ASTN1: variants seen among roughly 807,000 people sequenced by gnomAD.
ASTN1 encodes the protein astrotactin 1, also known as astrotactin-1.
ASTN1 carries 41 observed loss-of-function variants against 140.7 expected under a neutral mutation model. That is an observed-to-expected ratio of 0.29 (90% CI 0.23 to 0.38). The LOEUF is 0.38. ASTN1 is among the 10% of genes least tolerant of loss of function. The pLI is 1.00. For missense variants in ASTN1, 1,479 were observed against 1,678.8 expected (o/e 0.88, Z 2.08); for synonymous variants, 640 against 652.2 (o/e 0.98, Z 0.29).
intron 8 of ASTN1, among the ~76,000 whole-genome samples, chr1:176,975,494 T>C (rs566248188): frequency 6.6e-6 from 1 of 152,344 alleles, no homozygotes; most frequent in Admixed American, 6.5e-5. Context: ...GGGCTGTTGG[T>C]TGGGCATCAG....
intron 2 of ASTN1, among the ~76,000 whole-genome samples, chr1:177,045,363 A>G (rs1048319898): frequency 1.2e-4 from 19 of 152,184 alleles, no homozygotes; most frequent in African/African-American, 4.6e-4. Flanking sequence ...GATTAACTCC[A>G]GGGAGGCACA....
chr1:177,029,039 C>T (rs929408588), intron 5 of ASTN1, among the ~76,000 whole-genome samples: 6 of 152,128 alleles, frequency 3.9e-5, no homozygotes, highest in South Asian at 4.1e-4. Context: ...ACAGTGGCTG[C>T]GTGGAAGGAC....
intron 1 of ASTN1, among the ~76,000 whole-genome samples, chr1:177,076,889 C>T (rs530027238): frequency 2.6e-5 from 4 of 152,110 alleles, no homozygotes; most frequent in Non-Finnish European, 4.4e-5. Flanking sequence ...AAGTAGCTCA[C>T]TCTGCCTCTT....
chr1:176,957,549 T>C (rs1052316115), intron 11 of ASTN1, 129 bp downstream of exon 11: 3 of 1,233,300 alleles, frequency 2.4e-6, no homozygotes. Flanking sequence ...AAATCCCTAA[T>C]TTACACTAAA....
chr1:177,003,145 A>G (rs1451894424), intron 8 of ASTN1, among the ~76,000 whole-genome samples: 1 of 152,142 alleles, frequency 6.6e-6, no homozygotes, highest in African/African-American at 2.4e-5. Context: ...CTATGAAGCC[A>G]GTATTACCTT....
chr1:176,893,454 G>A lies in ASTN1; in HGVS notation c.2940+1108C>T, dbSNP rs145314489. On this transcript the variant is annotated intron_variant, in intron 17 of 22. Transcript: ENST00000361833. Reference sequence around the variant, plus strand: ...CACCTTTATCAGATTGAAGACAAACGTGTAGGCCACGAGAACAATTTATCT... The same window carrying A: ...CACCTTTATCAGATTGAAGACAAACATGTAGGCCACGAGAACAATTTATCT... Among the ~76,000 whole-genome samples, 40 of 152,240 alleles carry A rather than the reference G, an allele frequency of 2.6e-4. 1 individual carries two copies. In the East Asian group the frequency reaches 7.2e-3, roughly 27 times the overall value.
chr1:177,001,138 C>T (rs757657135), intron 8 of ASTN1, among the ~76,000 whole-genome samples: 22 of 152,168 alleles, frequency 1.4e-4, no homozygotes, highest in Non-Finnish European at 3.2e-4. Flanking sequence ...TTATGAAAGA[C>T]CATGGGAAGA....
chr1:177,014,356 C>T (rs928689153), intron 8 of ASTN1, among the ~76,000 whole-genome samples: 4 of 152,192 alleles, frequency 2.6e-5, no homozygotes, highest in African/African-American at 9.6e-5. Flanking sequence ...CTCTGTATGT[C>T]ACCCCTGCTG....
At chr1:176,970,234 G>A (rs1673080267) in intron 8 of ASTN1, among the ~76,000 whole-genome samples, 1 of 152,160 alleles carries the variant, frequency 6.6e-6, no homozygotes, top group South Asian at 2.1e-4. Flanking sequence ...GGTTGGCTGT[G>A]GCCTTGATTT....
At chr1:177,100,600 G>C (rs924106436) in intron 1 of ASTN1, among the ~76,000 whole-genome samples, 9 of 152,096 alleles carry the variant, frequency 5.9e-5, no homozygotes, top group Admixed American at 2.0e-4. Flanking sequence ...AGGAGTTTAG[G>C]ATGAGACAAA....
chr1:176,963,515 C>G (rs1571574798), intron 9 of ASTN1, among the ~76,000 whole-genome samples: 1 of 152,298 alleles, frequency 6.6e-6, no homozygotes, highest in East Asian at 1.9e-4. Flanking sequence ...AGATATCTGA[C>G]CTCATGGGTC....
intron 2 of ASTN1, among the ~76,000 whole-genome samples, chr1:177,033,245 T>A (rs1185207742): frequency 6.6e-6 from 1 of 152,092 alleles, no homozygotes; most frequent in Non-Finnish European, 1.5e-5. Flanking sequence ...ACTTTATTTT[T>A]TTTAGCAATA....
chr1:176,882,402 C>T (rs2103025980), intron 20 of ASTN1, among the ~76,000 whole-genome samples: 1 of 152,330 alleles, frequency 6.6e-6, no homozygotes, highest in South Asian at 2.1e-4. Context: ...TGCTACTCAC[C>T]TTCATGCTTC....
intron 1 of ASTN1, among the ~76,000 whole-genome samples, chr1:177,159,393 G>A (rs1027467604): frequency 1.3e-5 from 2 of 152,172 alleles, no homozygotes; most frequent in Non-Finnish European, 2.9e-5. Context: ...AACCTAGGCA[G>A]CTCACTGTAG....
intron 2 of ASTN1, among the ~76,000 whole-genome samples, chr1:177,052,386 C>A (rs1417859424): frequency 6.6e-6 from 1 of 152,140 alleles, no homozygotes; most frequent in Non-Finnish European, 1.5e-5. Flanking sequence ...TTATAAGAAT[C>A]ATCTCATTTA....
At chr1:176,982,415 C>T (rs1043922999) in intron 8 of ASTN1, among the ~76,000 whole-genome samples, 40 of 152,166 alleles carry the variant, frequency 2.6e-4, no homozygotes, top group Admixed American at 1.1e-3. Context: ...CAAACCTCGG[C>T]GTGCATCACC....
At chr1:176,978,667 G>C (rs903474894) in intron 8 of ASTN1, among the ~76,000 whole-genome samples, 1 of 152,116 alleles carries the variant, frequency 6.6e-6, no homozygotes, top group African/African-American at 2.4e-5. Context: ...AAATGATAAG[G>C]TTGAACTGAA....
Position 176,863,300 on chromosome 1 carries a change from T to C in ASTN1, c.*984A>G. 1 of 985,826 alleles carries C rather than the reference T, an allele frequency of 1.0e-6. No homozygotes were observed. Among genetic ancestry groups the C allele is most frequent in the Non-Finnish European group, 1.2e-6 (1 of 829,920 alleles). 61.1% of individuals were successfully genotyped at this position (985,826 alleles called of 1,614,324 possible). ...TAATAGCTTTAGTTCACTGTAACACTGATATGAAAGTGTTGACCCCTCCTG... is the reference window on the plus strand; with the variant it reads ...TAATAGCTTTAGTTCACTGTAACACCGATATGAAAGTGTTGACCCCTCCTG... On this transcript the variant is annotated 3_prime_UTR_variant, in exon 23 of 23. Coordinates refer to ENST00000361833, the MANE Select transcript of ASTN1 (RefSeq NM_004319.3).
At chr1:176,935,213 CT>C (rs1671389354) in intron 15 of ASTN1, among the ~76,000 whole-genome samples, 1 of 152,190 alleles carries the variant, frequency 6.6e-6, no homozygotes, top group African/African-American at 2.4e-5. Flanking sequence ...TCTAGCTCAG[CT>C]TGAGACCTCA....
Sources: gnomAD v4.1 joint callset for allele counts (sites outside exome capture counted in the v4.1 genomes callset) on GRCh38, gnomAD v4.1.1 for gene constraint, MANE v1.5 for transcripts, NCBI Gene and HGNC (gene_info 2026-07-23, HGNC 2026-07-21) for gene names.